Variants in KSR1 observed in about 807,000 individuals in gnomAD.
KSR1 encodes kinase suppressor of ras 1, also known as kinase suppressor of ras.
Under a neutral mutation model 92.9 loss-of-function variants are expected in KSR1, and 35 were observed. The ratio of observed to expected loss-of-function variants is 0.38; its 90% confidence interval spans 0.29 to 0.50. The LOEUF is 0.50. KSR1 is among the 20% of genes least tolerant of loss of function. The pLI, the probability that KSR1 is intolerant of heterozygous loss-of-function variation, is 0.94. For synonymous variants in KSR1, 467 were observed against 472.6 expected (o/e 0.99, Z 0.15); for missense variants, 972 against 1,158.5 (o/e 0.84, Z 2.34).
chr17:27,610,144 G>A lies in KSR1; in HGVS notation c.2303G>A (p.Gly768Glu). ...APEIVREMTP[G>E]KDEDQLPFSK... ...GAGATTGTACGCGAGATGACCCCCG[G>A]GAAGGACGAGGATCAGCTGCCATTC... is the stretch of plus-strand genomic sequence containing the variant. Residue 768 changes from glycine to glutamate, a missense_variant, in exon 17 of 21, where the codon GGG becomes GAG. Physicochemically the swap from Gly to Glu is moderately conservative, Grantham distance 98. Around this residue, in one of 5 missense-constraint regions of KSR1, gnomAD observed 260 missense variants for 375.2 expected, o/e 0.69. Transcript: ENST00000644974. 6.2e-7 allele frequency: 1 copy of A among 1,614,044 alleles called. No homozygotes were observed. Among genetic ancestry groups the A allele is most frequent in the Non-Finnish European group, 8.5e-7 (1 of 1,179,878 alleles).
At chr17:27,610,461 TTG>T (rs1258271076) in intron 17 of KSR1, among the ~76,000 whole-genome samples, 1 of 152,224 alleles carries the variant, frequency 6.6e-6, no homozygotes, top group African/African-American at 2.4e-5. Context: ...AATCAGGTAA[TTG>T]TGTGCAGTGC....
intron 1 of KSR1, among the ~76,000 whole-genome samples, chr17:27,466,377 A>G (rs1322801153): frequency 6.6e-6 from 1 of 152,226 alleles, no homozygotes; most frequent in Non-Finnish European, 1.5e-5. Flanking sequence ...TGGGCATCAC[A>G]TTAGCACTTA....
chr17:27,526,588 T>C, intron 1 of KSR1: 1 of 1,587,160 alleles, frequency 6.3e-7, no homozygotes, highest in South Asian at 1.1e-5. Flanking sequence ...CAGTTGCAAT[T>C]GTAAGATGGA....
chr17:27,604,140 G>A (rs2073667080), intron 12 of KSR1, among the ~76,000 whole-genome samples: 1 of 152,140 alleles, frequency 6.6e-6, no homozygotes, highest in Non-Finnish European at 1.5e-5. Context: ...TTGGATAGAG[G>A]GCATTTGGAG....
chr17:27,507,146 C>T (rs2069415976), intron 1 of KSR1, among the ~76,000 whole-genome samples: 2 of 152,154 alleles, frequency 1.3e-5, no homozygotes, highest in African/African-American at 4.8e-5. Flanking sequence ...TGTAAAAGAT[C>T]TCTTTAGGCT....
At chr17:27,457,263 A>G (rs2019221121) in intron 1 of KSR1, among the ~76,000 whole-genome samples, 1 of 151,992 alleles carries the variant, frequency 6.6e-6, no homozygotes, top group Non-Finnish European at 1.5e-5. Flanking sequence ...GGCCAGGGTG[A>G]CGGAGGAGGT....
intron 1 of KSR1, among the ~76,000 whole-genome samples, chr17:27,458,716 C>T (rs883127): frequency 0.32 from 48,939 of 152,022 alleles, 8,392 homozygotes; most frequent in South Asian, 0.5. Flanking sequence ...TTCTTCCCAC[C>T]GTGATGTGGA....
chr17:27,474,475 C>T (rs989846030), intron 1 of KSR1, among the ~76,000 whole-genome samples: 2 of 152,168 alleles, frequency 1.3e-5, no homozygotes, highest in African/African-American at 4.8e-5. Context: ...ATTCAGGCTG[C>T]ACTGCCTTTC....
At chr17:27,531,690 G>T (rs188218259) in intron 1 of KSR1, among the ~76,000 whole-genome samples, 1 of 152,178 alleles carries the variant, frequency 6.6e-6, no homozygotes, top group South Asian at 2.1e-4. Context: ...AGCCAGCAGC[G>T]CCCTGAGGAG....
At chr17:27,588,041 C>T (rs547204455) in intron 5 of KSR1, among the ~76,000 whole-genome samples, 70 of 152,318 alleles carry the variant, frequency 4.6e-4, no homozygotes, top group Admixed American at 7.8e-4. Flanking sequence ...CGGCCCTCCA[C>T]CTGAGGTAAA....
chr17:27,506,721 A>G (rs2069399209), intron 1 of KSR1, among the ~76,000 whole-genome samples: 2 of 119,324 alleles, frequency 1.7e-5, no homozygotes, highest in Admixed American at 2.3e-4. Context: ...CTGTGGTGCG[A>G]GTGTTGGTTC....
chr17:27,514,894 T>C (rs1205598811), intron 1 of KSR1, among the ~76,000 whole-genome samples: 1 of 152,216 alleles, frequency 6.6e-6, no homozygotes, highest in Non-Finnish European at 1.5e-5. Context: ...CTGCCTCTTA[T>C]CCATTTTAAT....
intron 1 of KSR1, among the ~76,000 whole-genome samples, chr17:27,484,845 C>T (rs1250622472): frequency 6.6e-6 from 1 of 152,196 alleles, no homozygotes; most frequent in Non-Finnish European, 1.5e-5. Context: ...GCGCAGTGTT[C>T]GTAGTGGCTG....
chr17:27,510,030 G>A (rs2069540848), intron 1 of KSR1, among the ~76,000 whole-genome samples: 1 of 152,206 alleles, frequency 6.6e-6, no homozygotes, highest in Non-Finnish European at 1.5e-5. Context: ...TACCCTAAGT[G>A]CCAGCACTTC....
intron 1 of KSR1, among the ~76,000 whole-genome samples, chr17:27,514,325 T>C (rs1406165076): frequency 1.3e-5 from 2 of 152,168 alleles, no homozygotes; most frequent in Non-Finnish European, 2.9e-5. Context: ...TAACCTGATA[T>C]TAAGGTGCCA....
In KSR1 at chr17:27,597,288, T is replaced by C; in HGVS notation, c.1320T>C (p.Asn440=). 1 of 1,598,440 alleles carries C rather than the reference T, an allele frequency of 6.3e-7. No individual in the cohort carries two copies. Among genetic ancestry groups the C allele is most frequent in the South Asian group, 1.1e-5 (1 of 88,480 alleles). The part of the protein sequence containing the change: ...LTKKEHPPAM[N]HLDSSSNPSS... ...TGCAGGAGCACCCTCCGGCCATGAA[T>C]CACCTGGACTCCAGCAGCAACCCTT... The change falls in exon 10 of 21, where the codon AAT becomes AAC. Residue 440 remains asparagine (N), a synonymous_variant. Transcript: ENST00000644974.
chr17:27,543,576 C>A (rs1335431524), intron 1 of KSR1, among the ~76,000 whole-genome samples: 1 of 152,228 alleles, frequency 6.6e-6, no homozygotes, highest in Admixed American at 6.5e-5. Flanking sequence ...GGATGTCTGA[C>A]AAGCCTCACC....
intron 1 of KSR1, among the ~76,000 whole-genome samples, chr17:27,491,332 TG>T (rs2068820694): frequency 7.2e-6 from 1 of 138,904 alleles, no homozygotes; most frequent in Admixed American, 7.3e-5. Flanking sequence ...TGTGTGTGTG[TG>T]TGTGTGTGTG....
intron 1 of KSR1, among the ~76,000 whole-genome samples, chr17:27,535,913 A>G (rs2151053970): frequency 6.6e-6 from 1 of 152,352 alleles, no homozygotes; most frequent in East Asian, 1.9e-4. Flanking sequence ...CCCTAGTGAC[A>G]TGACTGTCCA....
Sources: allele counts gnomAD v4.1 joint callset (sites outside exome capture counted in the v4.1 genomes callset), GRCh38; gene constraint gnomAD v4.1.1; regional missense constraint gnomAD v4.1.1; transcripts MANE v1.5; gene names NCBI Gene and HGNC (gene_info 2026-07-23, HGNC 2026-07-21).